Variants in TENM2 observed in about 807,000 individuals in gnomAD.
The protein encoded by TENM2 is teneurin-2.
TENM2 carries 52 observed loss-of-function variants against 245.2 expected under a neutral mutation model. The ratio of observed to expected loss-of-function variants is 0.21; its 90% CI spans 0.17 to 0.27. The LOEUF (loss-of-function observed/expected upper bound fraction) is 0.27, where lower values mean the gene tolerates loss of function less well. Ranked by LOEUF, TENM2 falls within the 10% of genes least tolerant of loss-of-function variation. TENM2 has a pLI of 1.00. For missense variants in TENM2, 3,046 were observed against 3,666.8 expected (o/e 0.83, Z 4.37); for synonymous variants, 1,363 against 1,438.9 (o/e 0.95, Z 1.19).
intron 12 of TENM2, among the ~76,000 whole-genome samples, chr5:168,156,280 T>C (rs1757177080): frequency 6.6e-6 from 1 of 151,026 alleles, no homozygotes; most frequent in Admixed American, 6.6e-5. Flanking sequence ...TTTTTTTTTT[T>C]CACCTCAGTT....
chr5:167,950,050 G>A lies in TENM2; in HGVS notation c.713-2538G>A, dbSNP rs370093269. Among the ~76,000 whole-genome samples, 21 of 152,188 alleles carry A rather than the reference G, an allele frequency of 1.4e-4. 1 individual carries two copies. In the South Asian group the frequency reaches 2.3e-3, roughly 17 times the overall value. ...TGCTTTATAGGAGGGCTGGGTGAGC[G>A]GAGAATTAAGTATTCTTCCATCTTC... On this transcript the variant is annotated intron_variant, in intron 3 of 28. Transcript: ENST00000518659.
At chr5:168,095,600 C>G (rs1176272916) in intron 8 of TENM2, among the ~76,000 whole-genome samples, 1 of 152,038 alleles carries the variant, frequency 6.6e-6, no homozygotes, top group African/African-American at 2.4e-5. Flanking sequence ...AGCTTGTATT[C>G]TCTATTATTG....
At chr5:168,098,615 T>A (rs1793557126) in intron 9 of TENM2, among the ~76,000 whole-genome samples, 1 of 152,212 alleles carries the variant, frequency 6.6e-6, no homozygotes, top group South Asian at 2.1e-4. Context: ...GCCCTGAGAT[T>A]CTTGGGGGAA....
At chr5:167,562,175 C>T (rs1455007347) in intron 2 of TENM2, among the ~76,000 whole-genome samples, 1 of 152,178 alleles carries the variant, frequency 6.6e-6, no homozygotes, top group Non-Finnish European at 1.5e-5. Context: ...GCGATGGCAT[C>T]CATCCATCCG....
At chr5:167,289,143 G>A (rs546663593) in intron 1 of TENM2, among the ~76,000 whole-genome samples, 2 of 152,092 alleles carry the variant, frequency 1.3e-5, no homozygotes, top group African/African-American at 4.8e-5. Context: ...GTAGGAAAAC[G>A]TTTCGACTGT....
intron 3 of TENM2, among the ~76,000 whole-genome samples, chr5:167,904,092 G>A (rs984196781): frequency 6.6e-6 from 1 of 152,210 alleles, no homozygotes; most frequent in African/African-American, 2.4e-5. Flanking sequence ...GTTGTCTGCT[G>A]TCTCATGGTT....
intron 2 of TENM2, among the ~76,000 whole-genome samples, chr5:167,840,111 A>G (rs1332534612): frequency 1.3e-5 from 2 of 152,204 alleles, no homozygotes; most frequent in Non-Finnish European, 2.9e-5. Context: ...GTGAGCCACC[A>G]CACCCAACCC....
the TENM2 span, among the ~76,000 whole-genome samples, chr5:167,118,660 G>T: frequency 6.6e-6 from 1 of 152,284 alleles, no homozygotes; most frequent in East Asian, 1.9e-4. Context: ...AAAGAGAGTT[G>T]CTTCTTGGGG....
chr5:167,144,761 C>A, the TENM2 span, among the ~76,000 whole-genome samples: 1 of 152,288 alleles, frequency 6.6e-6, no homozygotes, highest in South Asian at 2.1e-4. Context: ...TGTCCGTGTG[C>A]TGTGACATTA....
chr5:167,012,914 G>A, the TENM2 span, among the ~76,000 whole-genome samples: 2 of 151,982 alleles, frequency 1.3e-5, no homozygotes, highest in Non-Finnish European at 2.9e-5. Context: ...GCAGCCTTGA[G>A]TAAATAAGCA....
intron 2 of TENM2, among the ~76,000 whole-genome samples, chr5:167,438,851 T>G (rs1409738304): frequency 6.6e-6 from 1 of 151,978 alleles, no homozygotes; most frequent in East Asian, 1.9e-4. Flanking sequence ...TGGAGTGCAA[T>G]GGCACGATCT....
intron 5 of TENM2, among the ~76,000 whole-genome samples, chr5:168,008,557 C>T (rs767953766): frequency 4.6e-5 from 7 of 152,126 alleles, no homozygotes; most frequent in Non-Finnish European, 1.0e-4. Context: ...CTGAAGGCCC[C>T]GTCAATAATC....
chr5:168,020,673 G>A (rs537617501), intron 5 of TENM2, among the ~76,000 whole-genome samples: 8 of 152,250 alleles, frequency 5.3e-5, no homozygotes, highest in African/African-American at 1.4e-4. Flanking sequence ...TCCACCCGCC[G>A]GCTTCCCAAA....
chr5:167,905,694 A>G (rs1776038444), intron 3 of TENM2, among the ~76,000 whole-genome samples: 1 of 152,198 alleles, frequency 6.6e-6, no homozygotes, highest in Non-Finnish European at 1.5e-5. Flanking sequence ...AAAAGTGGAG[A>G]AAATGACATT....
At chr5:168,026,273 C>T (rs1424569474) in intron 5 of TENM2, among the ~76,000 whole-genome samples, 1 of 152,134 alleles carries the variant, frequency 6.6e-6, no homozygotes, top group Non-Finnish European at 1.5e-5. Context: ...TCCACCTAAA[C>T]ATTTATTCAC....
chr5:167,344,305 C>A (rs1340607697), intron 1 of TENM2, among the ~76,000 whole-genome samples: 2 of 98,316 alleles, frequency 2.0e-5, no homozygotes, highest in Non-Finnish European at 4.2e-5. Context: ...CACACACACA[C>A]ACACATATAT....
At chr5:168,076,446 G>A (rs1331397688) in intron 7 of TENM2, among the ~76,000 whole-genome samples, 2 of 152,000 alleles carry the variant, frequency 1.3e-5, no homozygotes, top group Non-Finnish European at 1.5e-5. Flanking sequence ...GGCTGGTCTC[G>A]AACTCCTGAC....
intron 2 of TENM2, among the ~76,000 whole-genome samples, chr5:167,434,222 C>G (rs1260333718): frequency 1.3e-5 from 2 of 151,706 alleles, no homozygotes; most frequent in Non-Finnish European, 2.9e-5. Context: ...GAGTTCGAGA[C>G]CAGCCTGGCC....
chr5:168,057,288 C>G (rs1789626394), intron 6 of TENM2, among the ~76,000 whole-genome samples: 1 of 150,208 alleles, frequency 6.7e-6, no homozygotes, highest in Non-Finnish European at 1.5e-5. Context: ...CCTGCTGACC[C>G]CCTACCCCTG....
Sources: gnomAD v4.1 joint callset for allele counts (sites outside exome capture counted in the v4.1 genomes callset) on GRCh38, gnomAD v4.1.1 for gene constraint, MANE v1.5 for transcripts, NCBI Gene and HGNC (gene_info 2026-07-23, HGNC 2026-07-21) for gene names.